Variants in AOX1 observed in about 807,000 individuals in gnomAD.
AOX1 encodes the protein aldehyde oxidase 1, also known as aldehyde oxidase.
AOX1 carries 153 observed loss-of-function variants against 169.5 expected under a neutral mutation model. That is an observed-to-expected ratio of 0.90 (90% CI 0.79 to 1.03). The LOEUF (loss-of-function observed/expected upper bound fraction) is 1.03, where lower values mean the gene tolerates loss of function less well. AOX1 is among the 50% of genes least tolerant of loss of function. The pLI, the probability that AOX1 is intolerant of heterozygous loss-of-function variation, is 0.00. For missense variants in AOX1, 1,656 were observed against 1,663.9 expected (o/e 1.00, Z 0.08); for synonymous variants, 562 against 581.9 (o/e 0.97, Z 0.49).
At chr2:200,621,905 A>G (rs1351315599) in intron 18 of AOX1, among the ~76,000 whole-genome samples, 1 of 152,140 alleles carries the variant, frequency 6.6e-6, no homozygotes, top group African/African-American at 2.4e-5. Flanking sequence ...GGCACAAATC[A>G]CCATGCTCGG....
downstream of AOX1, among the ~76,000 whole-genome samples, chr2:200,673,270 T>TCTGG (rs1456455222): frequency 1.1e-4 from 16 of 152,188 alleles, no homozygotes; most frequent in South Asian, 1.7e-3. Context: ...TTGCTTAAGC[T>TCTGG]CTGGCTCTGT....
At chr2:200,663,600 C>CCCG (rs368079275) in intron 31 of AOX1, among the ~76,000 whole-genome samples, 2 of 120,774 alleles carry the variant, frequency 1.7e-5, no homozygotes, top group Admixed American at 1.8e-4. Context: ...TCTCTCTCCC[C>CCCG]CTCTTTCTGT....
At chr2:200,613,046 C>T (rs74956585) in intron 14 of AOX1, among the ~76,000 whole-genome samples, 1 of 85,490 alleles carries the variant, frequency 1.2e-5, no homozygotes, top group African/African-American at 4.2e-5. Flanking sequence ...GAGAGAGAGA[C>T]AGACAGACAG....
intron 16 of AOX1, among the ~76,000 whole-genome samples, chr2:200,619,257 C>A (rs2034832098): frequency 6.6e-6 from 1 of 152,136 alleles, no homozygotes; most frequent in Non-Finnish European, 1.5e-5. Flanking sequence ...TTGTAAGGCT[C>A]ATCTAAAAGG....
chr2:200,592,315 A>T (rs752190562), intron 1 of AOX1, among the ~76,000 whole-genome samples: 2 of 152,226 alleles, frequency 1.3e-5, no homozygotes, highest in Non-Finnish European at 2.9e-5. Context: ...GAATAAGCAT[A>T]TGTCCACTCC....
In AOX1 at chr2:200,609,399, A is replaced by G. The variant is rs1260284882; in HGVS notation, c.1138A>G (p.Asn380Asp). The G allele has an allele frequency of 6.2e-7, 1 of 1,613,860 alleles. No individual in the cohort carries two copies. Among genetic ancestry groups the G allele is most frequent in the Non-Finnish European group, 8.5e-7 (1 of 1,179,908 alleles). ...CCTGGCTGTGGGTAACTGTACCCTC[A>G]ACTTGCTATCAAAAGGTAAGTGACA... ...PILAVGNCTL[N>D]LLSKEGKRQI... is the part of the protein sequence containing the mutation. Residue 380 changes from asparagine (N) to aspartate (D), a missense_variant, in exon 12 of 35, where the codon AAC becomes GAC. Physicochemically the swap from Asn to Asp is conservative, Grantham distance 23 (BLOSUM62 1). Transcript: ENST00000374700.
rs2034450787 is a variant in AOX1, at chr2:200,603,250, T to C, written c.499-17T>C. ...AATCAGCAATAAATTCCTAGTGATT[T>C]GTTTTTTGTCCACTAGACTTCGGGC... On this transcript the variant is annotated splice_polypyrimidine_tract_variant and intron_variant, in intron 6 of 34. Transcript: ENST00000374700. 5 of 1,605,780 alleles carry C rather than the reference T, an allele frequency of 3.1e-6. No homozygotes were observed. The highest frequency in any genetic ancestry group is 4.3e-6 in the Non-Finnish European group (5 of 1,172,766).
Position 200,636,901 on chromosome 2 carries a change from T to C in AOX1, c.2347-10T>C, listed in dbSNP as rs1408855763. On this transcript the variant is annotated splice_polypyrimidine_tract_variant and intron_variant, in intron 21 of 34. Coordinates refer to ENST00000374700, the MANE Select transcript of AOX1 (RefSeq NM_001159.4). ...TGGATCAGATTAATCAGAACTATTA[T>C]TGTTCACAGGACATTGTTGCCTCAA... 2 of 1,612,580 alleles carry C rather than the reference T, an allele frequency of 1.2e-6. No homozygotes were observed. The highest frequency in any genetic ancestry group is 1.3e-5 in the African/African-American group (1 of 74,858).
intron 33 of AOX1, 66 bp from the exon 34 acceptor site, chr2:200,669,509 T>C: frequency 6.6e-7 from 1 of 1,508,920 alleles, no homozygotes; most frequent in Non-Finnish European, 9.1e-7. Context: ...ACATATGCTA[T>C]AAATATGCAC....
chr2:200,586,573 C>T (rs1441130907), intron 1 of AOX1, among the ~76,000 whole-genome samples: 1 of 152,244 alleles, frequency 6.6e-6, no homozygotes, highest in Non-Finnish European at 1.5e-5. Context: ...ATGGCTGAGC[C>T]TCAGCTCGCG....
intron 31 of AOX1, among the ~76,000 whole-genome samples, chr2:200,663,596 T>TCTCTCCC (rs141563329): frequency 0.12 from 18,103 of 147,704 alleles, 1,966 homozygotes; most frequent in East Asian, 0.5. Context: ...TCTCTCTCTC[T>TCTCTCCC]CCCCCTCTTT....
At chr2:200,664,858 G>A (rs1559262320) in intron 31 of AOX1, among the ~76,000 whole-genome samples, 1 of 152,226 alleles carries the variant, frequency 6.6e-6, no homozygotes. Context: ...GCTGAAAACA[G>A]TGGATGCTCA....
At chr2:200,609,462 CT>C (rs2034586993) in intron 12 of AOX1, 48 bp downstream of exon 12, 11 of 1,478,534 alleles carry the variant, frequency 7.4e-6, no homozygotes, top group Non-Finnish European at 1.0e-5. Flanking sequence ...TTCTCTACCC[CT>C]TTTTCTCTCT....
At chr2:200,629,216 A>G (rs922411144) in intron 20 of AOX1, among the ~76,000 whole-genome samples, 10 of 152,174 alleles carry the variant, frequency 6.6e-5, no homozygotes, top group African/African-American at 2.4e-4. Context: ...TTTCCTTGGC[A>G]TTGTGTCTTA....
At chr2:200,652,214 A>G (rs1043680918) in intron 26 of AOX1, among the ~76,000 whole-genome samples, 6 of 152,184 alleles carry the variant, frequency 3.9e-5, no homozygotes, top group Non-Finnish European at 8.8e-5. Flanking sequence ...TAACTGTCCT[A>G]GTTGAGCTTT....
rs765263245 is a variant in AOX1, at chr2:200,599,662, A to T, written c.352A>T (p.Thr118Ser). Reference sequence around the variant, plus strand: ...TCATGGCACCCAGTGTGGCTTCTGCACACCTGGGATGGTGATGTCCATCTA... The same window carrying T: ...TCATGGCACCCAGTGTGGCTTCTGCTCACCTGGGATGGTGATGTCCATCTA... ...KCHGTQCGFC[T>S]PGMVMSIYTL... Residue 118 changes from threonine (T) to serine (S), a missense_variant, in exon 5 of 35, where the codon ACA becomes TCA. Transcript: ENST00000374700. 6.2e-7 allele frequency: 1 copy of T among 1,612,994 alleles called. No homozygotes were observed.
intron 9 of AOX1, among the ~76,000 whole-genome samples, 178 bp from the exon 10 acceptor site, chr2:200,605,358 T>C (rs973734178): frequency 3.9e-5 from 6 of 152,144 alleles, no homozygotes; most frequent in Non-Finnish European, 5.9e-5. Context: ...CTTCCAAGTT[T>C]GATGAAAATC....
intron 27 of AOX1, among the ~76,000 whole-genome samples, chr2:200,657,190 A>ATATATATTTTT: frequency 1.4e-4 from 9 of 62,870 alleles, no homozygotes; most frequent in African/African-American, 5.5e-4. Context: ...ATATATATAT[A>ATATATATTTTT]TTTTTTTTTT....
chr2:200,640,036 C>CAAA (rs547926062), intron 23 of AOX1, among the ~76,000 whole-genome samples: 3 of 67,784 alleles, frequency 4.4e-5, no homozygotes, highest in African/African-American at 1.6e-4. Context: ...GACTCCATCT[C>CAAA]AAAAAAAAAA....
Sources: allele counts gnomAD v4.1 joint callset (sites outside exome capture counted in the v4.1 genomes callset), GRCh38; gene constraint gnomAD v4.1.1; transcripts MANE v1.5; gene names NCBI Gene and HGNC (gene_info 2026-07-23, HGNC 2026-07-21).